Variants in SNAP47 observed in about 807,000 individuals in gnomAD.
The protein encoded by SNAP47 is synaptosome associated protein 47.
Under a neutral mutation model 31.4 loss-of-function variants are expected in SNAP47, and 20 were observed. The observed-to-expected ratio is 0.64, with a 90% CI of 0.45 to 0.93. The LOEUF (loss-of-function observed/expected upper bound fraction) is 0.93. Ranked by LOEUF, SNAP47 falls within the 40% of genes least tolerant of loss-of-function variation. The pLI is 0.00. For missense variants in SNAP47, 492 were observed against 528.5 expected, an observed-to-expected ratio of 0.93 and a Z score of 0.68; for synonymous variants, 194 against 213.4, an observed-to-expected ratio of 0.91 and a Z score of 0.79.
chr1:227,736,762 T>C (rs1465349486), intron 1 of SNAP47, among the ~76,000 whole-genome samples: 5 of 141,378 alleles, frequency 3.5e-5, no homozygotes, highest in Non-Finnish European at 7.6e-5. Context: ...GCTCAAGCAA[T>C]CCTTCTGCCT....
At chr1:227,732,378 C>T (rs1208157108), upstream of SNAP47, 1 of 1,610,278 alleles carries the variant, frequency 6.2e-7, no homozygotes, top group Admixed American at 1.7e-5. Flanking sequence ...GTCCTTCTAT[C>T]CTCACGACAG....
upstream of SNAP47, chr1:227,733,406 C>T (rs772845815): frequency 5.7e-6 from 9 of 1,569,098 alleles, no homozygotes; most frequent in Non-Finnish European, 8.6e-7. Flanking sequence ...GGAGAAGCAG[C>T]ACATTACCAG....
At chr1:227,773,399 G>C (rs543366538) in intron 4 of SNAP47, among the ~76,000 whole-genome samples, 4 of 152,158 alleles carry the variant, frequency 2.6e-5, no homozygotes, top group African/African-American at 7.2e-5. Flanking sequence ...TATTACAGAA[G>C]AGTCAGAGTT....
At chr1:227,734,165 G>T (rs910176736), upstream of SNAP47, 16 of 1,032,612 alleles carry the variant, frequency 1.5e-5, no homozygotes, top group African/African-American at 2.4e-4. Flanking sequence ...AAGAGCCCCA[G>T]ACCCTCCTCT....
intron 2 of SNAP47, among the ~76,000 whole-genome samples, chr1:227,756,795 A>G (rs964291687): frequency 5.3e-5 from 8 of 152,238 alleles, no homozygotes; most frequent in Admixed American, 3.3e-4. Context: ...GCTTAGGCCA[A>G]GTTACCGTGC....
At chr1:227,754,197 C>T (rs1341712155) in intron 2 of SNAP47, among the ~76,000 whole-genome samples, 1 of 152,266 alleles carries the variant, frequency 6.6e-6, no homozygotes, top group African/African-American at 2.4e-5. Flanking sequence ...CCCAGCCAAA[C>T]TCTGCATCAT....
chr1:227,778,917 G>A (rs1169074431), intron 4 of SNAP47, among the ~76,000 whole-genome samples: 1 of 152,196 alleles, frequency 6.6e-6, no homozygotes, highest in Non-Finnish European at 1.5e-5. Flanking sequence ...CTCTAGTCAG[G>A]CATTTATTCA....
intron 4 of SNAP47, among the ~76,000 whole-genome samples, chr1:227,767,583 G>C (rs1452995921): frequency 1.3e-5 from 2 of 152,154 alleles, no homozygotes; most frequent in Non-Finnish European, 2.9e-5. Context: ...GTATGCACAT[G>C]TGTGTGCTGT....
chr1:227,759,863 C>T (rs569151083), intron 3 of SNAP47, among the ~76,000 whole-genome samples: 2 of 152,318 alleles, frequency 1.3e-5, no homozygotes, highest in Admixed American at 1.3e-4. Flanking sequence ...GTGATGTTCT[C>T]ATGGTAGTGA....
chr1:227,737,022 C>T (rs1296761569), intron 1 of SNAP47, among the ~76,000 whole-genome samples: 2 of 152,210 alleles, frequency 1.3e-5, no homozygotes, highest in African/African-American at 4.8e-5. Flanking sequence ...TACTTTCTTC[C>T]ATGCCTGGAA....
At chr1:227,730,200 A>G (rs1227499282), upstream of SNAP47, among the ~76,000 whole-genome samples, 1 of 152,186 alleles carries the variant, frequency 6.6e-6, no homozygotes, top group Non-Finnish European at 1.5e-5. Context: ...CTCGTACCCC[A>G]GGAGGTTGGT....
intron 4 of SNAP47, among the ~76,000 whole-genome samples, chr1:227,767,686 G>T (rs1663523955): frequency 8.0e-6 from 1 of 125,532 alleles, no homozygotes; most frequent in Non-Finnish European, 1.8e-5. Flanking sequence ...ATATGTGCAT[G>T]TCTTGTGTGT....
In SNAP47 at chr1:227,772,459, G is replaced by A. The variant is rs151176000; in HGVS notation, c.1113+5376G>A. Among the ~76,000 whole-genome samples the A allele has an allele frequency of 2.7e-3, 403 of 151,446 alleles. 12 individuals are homozygous for A. In the South Asian group the frequency reaches 0.051, roughly 19 times the overall value. ...GCCTGCCTTATTTCACTTGGCATAC[G>A]GTTTTCAGGGCCCATGCACTGAAAA... On this transcript the variant is annotated intron_variant, in intron 4 of 4. Transcript: ENST00000617596.
At chr1:227,758,908 A>G in intron 2 of SNAP47, 87 bp from the exon 3 acceptor site, 1 of 1,480,758 alleles carries the variant, frequency 6.8e-7, no homozygotes, top group Non-Finnish European at 9.0e-7. Flanking sequence ...CATGCTTTAC[A>G]AAGGTTAAAA....
Position 227,748,144 on chromosome 1 carries a change from G to T in SNAP47, c.408G>T (p.Thr136=), listed in dbSNP as rs139457264. Reference sequence around the variant, plus strand: ...GATCCCAGAAACGCCTGGAGGACACGGCGAGGGTCCTGCACCACCAGGGCC... The same window carrying T: ...GATCCCAGAAACGCCTGGAGGACACTGCGAGGGTCCTGCACCACCAGGGCC... ...MAGSQKRLED[T]ARVLHHQGQQ... The change falls in exon 2 of 5, where the codon ACG becomes ACT. Residue 136 remains threonine (T), a synonymous_variant. Transcript: ENST00000617596. The T allele has an allele frequency of 1.9e-6, 3 of 1,613,772 alleles. No homozygotes were observed. Among genetic ancestry groups the T allele is most frequent in the African/African-American group, 2.7e-5 (2 of 74,928 alleles).
chr1:227,776,568 C>T, intron 4 of SNAP47: 2 of 985,472 alleles, frequency 2.0e-6, no homozygotes, highest in Non-Finnish European at 2.4e-6. Flanking sequence ...CCCCAGGCCG[C>T]AGAGGAACAA....
chr1:227,751,744 GTTTTTTTTTT>G (rs540732076), intron 2 of SNAP47, among the ~76,000 whole-genome samples: 30 of 69,188 alleles, frequency 4.3e-4, no homozygotes, highest in African/African-American at 1.4e-3. Flanking sequence ...TAAAGACTTG[GTTTTTTTTTT>G]TTTTTTTTTT....
upstream of SNAP47, chr1:227,735,252 G>A (rs772131933): frequency 8.1e-6 from 13 of 1,603,070 alleles, no homozygotes; most frequent in African/African-American, 1.3e-5. Flanking sequence ...CTGTCGGCGA[G>A]GGCGCGCGTC....
At chr1:227,750,156 C>T (rs146140602) in intron 2 of SNAP47, among the ~76,000 whole-genome samples, 2 of 152,250 alleles carry the variant, frequency 1.3e-5, no homozygotes, top group Non-Finnish European at 2.9e-5. Flanking sequence ...TTTGCTGGCA[C>T]AAGGCCGGAG....
Sources: gnomAD v4.1 joint callset for allele counts (sites outside exome capture counted in the v4.1 genomes callset) on GRCh38, gnomAD v4.1.1 for gene constraint, MANE v1.5 for transcripts, NCBI Gene and HGNC (gene_info 2026-07-23, HGNC 2026-07-21) for gene names.